DNAH5: variants seen among roughly 807,000 people sequenced by gnomAD.
DNAH5 encodes dynein axonemal heavy chain 5.
A neutral mutation model predicts 518.2 loss-of-function variants in DNAH5; 372 were observed. The observed-to-expected ratio is 0.72, with a 90% CI of 0.66 to 0.78. The LOEUF is 0.78. Ranked by LOEUF, DNAH5 falls within the 30% of genes least tolerant of loss-of-function variation. The pLI, the probability that DNAH5 is intolerant of heterozygous loss-of-function variation, is 0.00. For missense variants in DNAH5, 5,523 were observed against 5,687.0 expected (o/e 0.97, Z 0.93); for synonymous variants, 2,039 against 2,025.9 (o/e 1.01, Z -0.17).
intron 1 of DNAH5, among the ~76,000 whole-genome samples, chr5:13,955,319 T>G (rs1780689104): frequency 6.6e-6 from 1 of 152,160 alleles, no homozygotes; most frequent in African/African-American, 2.4e-5. Context: ...CTGTTAAGCC[T>G]GTGGAAACAT....
intron 1 of DNAH5, among the ~76,000 whole-genome samples, chr5:13,961,657 GAAAAAGAA>G (rs931582145): frequency 2.0e-5 from 3 of 151,870 alleles, no homozygotes; most frequent in African/African-American, 7.3e-5. Flanking sequence ...AAAAGAAAAA[GAAAAAGAA>G]AGAAAGAAAG....
chr5:13,777,085 C>G, intron 54 of DNAH5, 117 bp downstream of exon 54: 1 of 995,242 alleles, frequency 1.0e-6, no homozygotes, highest in South Asian at 1.4e-5. Context: ...ATACTGATCA[C>G]TTAATACCCA....
chr5:13,790,667 A>G (rs530304181), intron 50 of DNAH5, among the ~76,000 whole-genome samples: 2 of 152,294 alleles, frequency 1.3e-5, no homozygotes, highest in East Asian at 3.9e-4. Flanking sequence ...CCTTCTTGCT[A>G]TCTTGTGAAG....
chr5:13,840,955 T>G lies in DNAH5; in HGVS notation c.5660A>C (p.Glu1887Ala). ...DLSSTERVKY[E>A]TLITIHVHQR... ...GTGCACATGAATAGTAATCAGAGTC[T>G]CGTATTTCACTCGTTCCGTGGAACT... Residue 1887 changes from glutamate (E) to alanine (A), a missense_variant, in exon 34 of 79, where the codon GAG becomes GCG. By Grantham distance (107) the Glu-to-Ala change is moderately radical. Around this residue, in one of 3 missense-constraint regions of DNAH5, gnomAD observed 5,121 missense variants for 5,223.3 expected, o/e 0.98. Transcript: ENST00000265104. 6.2e-7 allele frequency: 1 copy of G among 1,614,168 alleles called. No individual in the cohort carries two copies. The highest frequency in any genetic ancestry group is 1.3e-5 in the African/African-American group (1 of 75,074).
chr5:13,862,847 TATATAA>T (rs1196442203), intron 28 of DNAH5, 100 bp from the exon 29 acceptor site: 5 of 336,980 alleles, frequency 1.5e-5, no homozygotes, highest in African/African-American at 4.8e-5. Flanking sequence ...GCTTCATATA[TATATAA>T]ATATATATAT....
rs1561465730 is a variant in DNAH5, at chr5:13,866,295, T to TA, written c.4054-14dup. ...CCATTGGACCATTCTGAACAAAAAG[T>TA]AAAAAAAGAAAAATAGAAGGAAGTG... is the stretch of plus-strand genomic sequence containing the variant. On this transcript the variant is annotated splice_polypyrimidine_tract_variant and intron_variant, in intron 25 of 78. Transcript: ENST00000265104. 4 of 1,609,310 alleles carry TA rather than the reference T, an allele frequency of 2.5e-6. No individual in the cohort carries two copies. Among genetic ancestry groups the TA allele is most frequent in the African/African-American group, 1.3e-5 (1 of 74,618 alleles).
chr5:13,805,328 T>A (rs1301256090), intron 47 of DNAH5, among the ~76,000 whole-genome samples: 2 of 151,980 alleles, frequency 1.3e-5, no homozygotes, highest in Non-Finnish European at 2.9e-5. Flanking sequence ...TGAAACCCCA[T>A]CTCTACTAAA....
At chr5:13,929,485 TTA>T (rs1163329206) in intron 2 of DNAH5, among the ~76,000 whole-genome samples, 3 of 43,884 alleles carry the variant, frequency 6.8e-5, no homozygotes, top group African/African-American at 2.7e-4. Flanking sequence ...GAATTTTATG[TTA>T]TGTGTATTTA....
intron 23 of DNAH5, 87 bp downstream of exon 23, chr5:13,871,477 G>A: frequency 1.7e-6 from 2 of 1,197,750 alleles, no homozygotes; most frequent in Non-Finnish European, 1.2e-6. Context: ...TTTAAGACAG[G>A]TAGAACTCTC....
intron 22 of DNAH5, among the ~76,000 whole-genome samples, chr5:13,873,646 T>A (rs932164327): frequency 1.3e-5 from 2 of 151,352 alleles, no homozygotes; most frequent in Non-Finnish European, 2.9e-5. Context: ...TTTGTCTTTT[T>A]TTATTTAATT....
In DNAH5 at chr5:13,802,738, A is replaced by G. The variant is rs377292135; in HGVS notation, c.7887+4853T>C. 1.2e-4 allele frequency among the ~76,000 whole-genome samples: 18 copies of G among 152,338 alleles called. No individual in the cohort carries two copies. In the South Asian group the frequency reaches 2.3e-3, roughly 19 times the overall value. ...GCAATCATCTTTGTGAATGAGACAC[A>G]GTGCAAAATCTGCACGACCTGCAAG... On this transcript the variant is annotated intron_variant, in intron 47 of 78. Coordinates refer to ENST00000265104, the MANE Select transcript of DNAH5 (RefSeq NM_001369.3).
intron 38 of DNAH5, among the ~76,000 whole-genome samples, chr5:13,828,915 A>G (rs1763271166): frequency 6.6e-6 from 1 of 152,228 alleles, no homozygotes; most frequent in Admixed American, 6.5e-5. Context: ...CACAGACACC[A>G]TGTAGTAATA....
In DNAH5 at chr5:14,003,722, G is replaced by C. The variant is rs974531358; in HGVS notation, c.12+7926C>G. 3.3e-5 allele frequency among the ~76,000 whole-genome samples: 5 copies of C among 152,220 alleles called. No individual in the cohort carries two copies. The South Asian group carries it at 1.0e-3, about 31-fold the overall frequency. On this transcript the variant is annotated intron_variant, in intron 1 of 78. Transcript: ENST00000681290. ...TACAGTGGAAGTGACGTCCAAGGCTGGGTCATAAAAGTGATGCGGCCAAGC... is the reference window on the plus strand; with the variant it reads ...TACAGTGGAAGTGACGTCCAAGGCTCGGTCATAAAAGTGATGCGGCCAAGC...
intron 74 of DNAH5, among the ~76,000 whole-genome samples, chr5:13,715,817 G>A (rs1357033446): frequency 6.6e-6 from 1 of 152,178 alleles, no homozygotes; most frequent in Non-Finnish European, 1.5e-5. Flanking sequence ...GCCCCCCAGA[G>A]GACATTTGGC....
At chr5:13,916,990 G>A (rs576545691) in intron 8 of DNAH5, among the ~76,000 whole-genome samples, 153 bp downstream of exon 8, 1 of 152,118 alleles carries the variant, frequency 6.6e-6, no homozygotes, top group African/African-American at 2.4e-5. Context: ...GCGTCTGCGT[G>A]TATATACCTA....
At chr5:13,928,844 C>A (rs538493261) in intron 2 of DNAH5, among the ~76,000 whole-genome samples, 5 of 152,300 alleles carry the variant, frequency 3.3e-5, no homozygotes, top group African/African-American at 1.2e-4. Context: ...CAGAAAACAG[C>A]AAGTGCTGGC....
At chr5:13,808,877 G>A (rs891995253) in intron 46 of DNAH5, among the ~76,000 whole-genome samples, 167 bp downstream of exon 46, 5 of 152,134 alleles carry the variant, frequency 3.3e-5, no homozygotes, top group East Asian at 3.9e-4. Flanking sequence ...GGAGAATGGC[G>A]TGAACCCGGG....
chr5:13,960,386 T>A (rs542980845), intron 1 of DNAH5, among the ~76,000 whole-genome samples: 1 of 152,292 alleles, frequency 6.6e-6, no homozygotes, highest in East Asian at 1.9e-4. Context: ...GAAACTAATA[T>A]CCCTTTTTCA....
chr5:13,778,955 G>A (rs529643339), intron 53 of DNAH5, among the ~76,000 whole-genome samples: 138 of 152,326 alleles, frequency 9.1e-4, no homozygotes, highest in African/African-American at 3.2e-3. Flanking sequence ...ATGTGGCACT[G>A]TGGTGCAGTA....
Sources: gnomAD v4.1 joint callset for allele counts (sites outside exome capture counted in the v4.1 genomes callset) on GRCh38, gnomAD v4.1.1 for gene constraint, gnomAD v4.1.1 regional missense constraint, MANE v1.5 for transcripts, NCBI Gene and HGNC (gene_info 2026-07-23, HGNC 2026-07-21) for gene names.